FMN2: variants seen among roughly 807,000 people sequenced by gnomAD.
FMN2 encodes formin 2, also known as formin-2.
In FMN2, 51 loss-of-function variants were observed where a neutral mutation model predicts 142.3. The observed-to-expected ratio is 0.36, with a 90% CI of 0.29 to 0.45. The LOEUF (loss-of-function observed/expected upper bound fraction) is 0.45. FMN2 is among the 20% of genes least tolerant of loss of function. The pLI, the probability that FMN2 is intolerant of heterozygous loss-of-function variation, is 1.00. For synonymous variants in FMN2, 882 were observed against 869.8 expected (o/e 1.01, Z -0.25); for missense variants, 1,936 against 2,122.8 (o/e 0.91, Z 1.73).
chr1:240,455,794 AG>A (rs969183494), intron 16 of FMN2, among the ~76,000 whole-genome samples: 1 of 151,832 alleles, frequency 6.6e-6, no homozygotes, highest in African/African-American at 2.4e-5. Context: ...TGACCAACAA[AG>A]TGAAACCCCA....
intron 8 of FMN2, among the ~76,000 whole-genome samples, chr1:240,311,180 T>G (rs925304657): frequency 6.6e-5 from 10 of 152,184 alleles, no homozygotes; most frequent in Non-Finnish European, 1.3e-4. Context: ...TTTAGCAATC[T>G]TTGCTTAAAG....
intron 14 of FMN2, among the ~76,000 whole-genome samples, chr1:240,364,039 G>T (rs1672581821): frequency 6.6e-6 from 1 of 152,172 alleles, no homozygotes; most frequent in African/African-American, 2.4e-5. Flanking sequence ...TGCTATTTCT[G>T]CTGTGCTGAA....
At chr1:240,183,668 A>G (rs1665248828) in intron 3 of FMN2, among the ~76,000 whole-genome samples, 1 of 151,924 alleles carries the variant, frequency 6.6e-6, no homozygotes, top group Non-Finnish European at 1.5e-5. Context: ...TGAGAGGCAG[A>G]GCCTCAGTAC....
At chr1:240,282,765 G>A (rs767534442) in intron 7 of FMN2, among the ~76,000 whole-genome samples, 17 of 152,188 alleles carry the variant, frequency 1.1e-4, no homozygotes, top group Non-Finnish European at 2.1e-4. Context: ...AAAATGTTCC[G>A]ATGAATATGG....
intron 15 of FMN2, among the ~76,000 whole-genome samples, chr1:240,437,604 G>A (rs1675442419): frequency 2.0e-5 from 3 of 152,210 alleles, no homozygotes; most frequent in African/African-American, 4.8e-5. Flanking sequence ...GCCGGGCTGG[G>A]ACTCTTGCTT....
chr1:240,383,736 G>T (rs1001906290), intron 14 of FMN2, among the ~76,000 whole-genome samples: 1 of 152,028 alleles, frequency 6.6e-6, no homozygotes, highest in Non-Finnish European at 1.5e-5. Flanking sequence ...CAACCCCATT[G>T]CTTGGTATCT....
chr1:240,110,808 A>G (rs1460427039), intron 1 of FMN2, among the ~76,000 whole-genome samples: 1 of 152,140 alleles, frequency 6.6e-6, no homozygotes, highest in Non-Finnish European at 1.5e-5. Flanking sequence ...CAAATATGCA[A>G]GCCCTTTTTT....
At chr1:240,210,994 C>T (rs1666669101) in intron 5 of FMN2, 97 bp from the exon 6 acceptor site, 1 of 1,117,320 alleles carries the variant, frequency 8.9e-7, no homozygotes, top group Non-Finnish European at 1.3e-6. Context: ...TTCCCTCCTG[C>T]TGGCCTTCCT....
intron 4 of FMN2, among the ~76,000 whole-genome samples, chr1:240,189,858 A>G (rs1665634155): frequency 8.0e-6 from 1 of 124,428 alleles, no homozygotes; most frequent in South Asian, 2.8e-4. Context: ...GTACCCTCAA[A>G]TCTTCCCTCA....
chr1:240,170,092 A>T lies in FMN2; in HGVS notation c.1783-7829A>T, dbSNP rs1664641174. 3.5e-5 allele frequency: 21 copies of T among 598,468 alleles called. No individual in the cohort carries two copies. In the South Asian group the frequency reaches 4.0e-4, roughly 11 times the overall value. 37.1% of individuals were successfully genotyped at this position (598,468 alleles called of 1,614,324 possible). A position where few individuals can be genotyped will look rare whatever the true frequency, so the allele number is the denominator to read the frequency against. On this transcript the variant is annotated intron_variant, in intron 2 of 17. Coordinates refer to ENST00000319653, the MANE Select transcript of FMN2 (RefSeq NM_020066.5). The stretch of plus-strand genomic sequence containing the variant: ...CCAATCATGGAATGAGAATAGCAAC[A>T]GTTCCTCTCAGACAGTAATAATCTA...
intron 15 of FMN2, among the ~76,000 whole-genome samples, chr1:240,431,775 T>C (rs983566908): frequency 2.0e-5 from 3 of 151,778 alleles, no homozygotes; most frequent in Non-Finnish European, 4.4e-5. Context: ...ACTGATTGCT[T>C]TCACTGTTAA....
intron 14 of FMN2, among the ~76,000 whole-genome samples, chr1:240,357,834 C>T (rs954773464): frequency 5.3e-5 from 8 of 152,258 alleles, no homozygotes; most frequent in African/African-American, 1.7e-4. Flanking sequence ...GTCTTGAACT[C>T]CTGAGCTTGT....
chr1:240,201,450 GAAT>G (rs1434085014), intron 4 of FMN2, among the ~76,000 whole-genome samples: 1 of 152,162 alleles, frequency 6.6e-6, no homozygotes, highest in Non-Finnish European at 1.5e-5. Context: ...AATACAGTAA[GAAT>G]GATGATGTGA....
intron 13 of FMN2, among the ~76,000 whole-genome samples, chr1:240,343,314 T>C (rs1671803397): frequency 6.6e-6 from 1 of 152,196 alleles, no homozygotes; most frequent in Non-Finnish European, 1.5e-5. Context: ...ATTAATCCTC[T>C]CTTTAGTGAT....
chr1:240,141,136 C>A (rs982297498), intron 2 of FMN2, among the ~76,000 whole-genome samples: 1 of 152,134 alleles, frequency 6.6e-6, no homozygotes, highest in African/African-American at 2.4e-5. Flanking sequence ...ACAAGTATTT[C>A]TTTAACAAAC....
intron 6 of FMN2, among the ~76,000 whole-genome samples, chr1:240,228,303 C>CAAAAAAAAAAAAAAAAAAAAAA (rs577421634): frequency 1.7e-3 from 82 of 47,740 alleles, no homozygotes; most frequent in East Asian, 3.1e-3. Context: ...AACTCTGTCT[C>CAAAAAAAAAAAAAAAAAAAAAA]AAAAAAAAAA....
At chr1:240,203,224 G>A (rs1436597227) in intron 4 of FMN2, among the ~76,000 whole-genome samples, 1 of 152,156 alleles carries the variant, frequency 6.6e-6, no homozygotes. Context: ...TGTTAAAAAT[G>A]GTTATGTTCC....
chr1:240,290,415 A>G (rs1245387320), intron 7 of FMN2, among the ~76,000 whole-genome samples: 2 of 152,178 alleles, frequency 1.3e-5, no homozygotes, highest in Admixed American at 1.3e-4. Context: ...ATTGAACGCA[A>G]ATGTTTAGTC....
At chr1:240,323,975 T>C (rs1671066819) in intron 8 of FMN2, among the ~76,000 whole-genome samples, 1 of 152,190 alleles carries the variant, frequency 6.6e-6, no homozygotes, top group African/African-American at 2.4e-5. Context: ...ATGCTACCAT[T>C]ACTTAGTACC....
Sources: allele counts gnomAD v4.1 joint callset (sites outside exome capture counted in the v4.1 genomes callset), GRCh38; gene constraint gnomAD v4.1.1; transcripts MANE v1.5; gene names NCBI Gene and HGNC (gene_info 2026-07-23, HGNC 2026-07-21).